Variants in TNNT1 observed in about 807,000 individuals in gnomAD.
TNNT1 encodes the protein troponin T, slow skeletal muscle.
A neutral mutation model predicts 50.6 loss-of-function variants in TNNT1; 53 were observed. That is an observed-to-expected ratio of 1.05 (90% confidence interval 0.84 to 1.32). The LOEUF is 1.32. TNNT1 is among the 40% of genes most tolerant of loss of function. The pLI is 0.00. For synonymous variants in TNNT1, 142 were observed against 138.0 expected, an observed-to-expected ratio of 1.03 and a Z score of -0.20; for missense variants, 348 against 381.7, an observed-to-expected ratio of 0.91 and a Z score of 0.74.
At chr19:55,134,672 A>T (rs895382673) in intron 11 of TNNT1, among the ~76,000 whole-genome samples, 4 of 101,704 alleles carry the variant, frequency 3.9e-5, no homozygotes, top group Admixed American at 2.3e-4. Flanking sequence ...AAGAAAGGAA[A>T]GAAAAGGAGA....
rs1407961161 is a variant in TNNT1 at position 55,141,317 on chromosome 19, G to C, written c.193-15C>G. 1 of 1,608,592 alleles carries C rather than the reference G, an allele frequency of 6.2e-7. No homozygotes were observed. The highest frequency in any genetic ancestry group is 8.5e-7 in the Non-Finnish European group (1 of 1,174,974). On this transcript the variant is annotated splice_polypyrimidine_tract_variant and intron_variant, in intron 7 of 13. Transcript: ENST00000588981. ...CGGTGGATGTCCTGCAGGACACACG[G>C]GCAGCCCGTCCTAGGAGACCCTGGA...
chr19:55,133,476 G>A (rs1166794074), intron 13 of TNNT1: 8 of 308,470 alleles, frequency 2.6e-5, no homozygotes, highest in East Asian at 8.5e-5. Flanking sequence ...TCAGGAGTTC[G>A]AGACCAGCCT....
rs1322730617 is a variant in TNNT1 at position 55,140,964 on chromosome 19, G to T, written c.310-4C>A. On this transcript the variant is annotated splice_region_variant and splice_polypyrimidine_tract_variant and intron_variant, in intron 8 of 13. Coordinates refer to ENST00000588981, the MANE Select transcript of TNNT1 (RefSeq NM_003283.6). ...CTCTCTCTGACCGGCGCCGCTCCTGGGAAACGGAGAAGCATAAGGGGGTGC... is the reference window on the plus strand; with the variant it reads ...CTCTCTCTGACCGGCGCCGCTCCTGTGAAACGGAGAAGCATAAGGGGGTGC... 6 of 1,613,530 alleles carry T rather than the reference G, an allele frequency of 3.7e-6. No individual in the cohort carries two copies. Among genetic ancestry groups the T allele is most frequent in the Non-Finnish European group, 5.1e-6 (6 of 1,179,890 alleles).
At chr19:55,133,108 T>C (rs1182986382) in intron 13 of TNNT1, 148 bp from the exon 14 acceptor site, 1 of 762,852 alleles carries the variant, frequency 1.3e-6, no homozygotes, top group Non-Finnish European at 2.2e-6. Flanking sequence ...GTCACCTCTT[T>C]TGGGTTCTAT....
rs553926696 is a variant in TNNT1 at position 55,137,156 on chromosome 19, G to A, written c.558C>T (p.Leu186=). The A allele has an allele frequency of 6.2e-7, 1 of 1,612,828 alleles. No homozygotes were observed. The highest frequency in any genetic ancestry group is 1.3e-5 in the African/African-American group (1 of 74,706). Residue 186 remains leucine, a synonymous_variant, in exon 11 of 14, where the codon CTC becomes CTT. Coordinates refer to ENST00000588981, the MANE Select transcript of TNNT1 (RefSeq NM_003283.6). ...QTGREMKVRI[L]SERKKPLDID... is the part of the protein sequence containing the mutation. ...TGTCCAGAGGCTTCTTACGCTCGGA[G>A]AGGATGCGCACCTTCATCTCCCGCC...
chr19:55,147,341 G>A (rs2085581775), intron 1 of TNNT1, 173 bp from the exon 2 acceptor site: 1 of 616,404 alleles, frequency 1.6e-6, no homozygotes, highest in Admixed American at 2.4e-5. Flanking sequence ...AGGAGGAGCT[G>A]GGGCCTGGAC....
chr19:55,148,412 C>T lies in TNNT1; in HGVS notation c.-12+749G>A, dbSNP rs151193708. Among the ~76,000 whole-genome samples, 60 of 152,156 alleles carry T rather than the reference C, an allele frequency of 3.9e-4. No homozygotes were observed. In the East Asian group the frequency reaches 0.012, roughly 29 times the overall value. ...CACCCTGACCCCTACATTCTTAGAC[C>T]TCAAAGTCTTTGAGACACCCTAGGC... On this transcript the variant is annotated intron_variant, in intron 1 of 13. Coordinates refer to ENST00000588981, the MANE Select transcript of TNNT1 (RefSeq NM_003283.6).
rs184146270 is a variant in TNNT1, at chr19:55,149,138, C to G, written c.-12+23G>C. ...CCAAGGACATGGTTTTTGAAGACCA[C>G]AGGGCTCCGCAGAGCCCCTTACCTA... is the stretch of plus-strand genomic sequence containing the variant. On this transcript the variant is annotated intron_variant, in intron 1 of 13. Coordinates refer to ENST00000588981, the MANE Select transcript of TNNT1 (RefSeq NM_003283.6). 6.6e-6 allele frequency: 3 copies of G among 456,298 alleles called. No homozygotes were observed. In the East Asian group the frequency reaches 2.1e-4, roughly 32 times the overall value. The allele number at this position is 456,298 out of a possible 1,614,324, so 28.3% of individuals were successfully genotyped here.
rs1238584410 is a variant in TNNT1 at position 55,147,917 on chromosome 19, G to A, written c.-11-749C>T. The A allele has an allele frequency of 4.4e-5, 7 of 160,516 alleles. No individual in the cohort carries two copies. The South Asian group carries it at 7.9e-4, about 18-fold the overall frequency. 9.9% of individuals were successfully genotyped at this position (160,516 alleles called of 1,614,324 possible). On this transcript the variant is annotated intron_variant, in intron 1 of 13. Coordinates refer to ENST00000588981, the MANE Select transcript of TNNT1 (RefSeq NM_003283.6). Reference sequence around the variant, plus strand: ...GCGGGCTGGGGGCCTGTACTCCTGCGTCTGAGGGAGGAGGGCTCAGGTCTG... The same window carrying A: ...GCGGGCTGGGGGCCTGTACTCCTGCATCTGAGGGAGGAGGGCTCAGGTCTG...
At chr19:55,149,051 A>G in intron 1 of TNNT1, 110 bp downstream of exon 1, 3 of 433,592 alleles carry the variant, frequency 6.9e-6, no homozygotes, top group Non-Finnish European at 1.4e-5. Flanking sequence ...TGTATGCCCC[A>G]CCTACCTCTG....
chr19:55,137,324 G>T, intron 10 of TNNT1, 112 bp from the exon 11 acceptor site: 1 of 737,732 alleles, frequency 1.4e-6, no homozygotes, highest in Middle Eastern at 3.0e-4. Flanking sequence ...GGGACCACAG[G>T]TCTGCACCCC....
chr19:55,137,031 C>T (rs1168539893), intron 11 of TNNT1, 72 bp downstream of exon 11: 14 of 980,948 alleles, frequency 1.4e-5, no homozygotes, highest in Middle Eastern at 2.3e-4. Flanking sequence ...CCACCCAGAT[C>T]TGGGTGTGAG....
intron 6 of TNNT1, chr19:55,145,321 A>AGGAGAAGGGGAAGGG: frequency 1.7e-6 from 1 of 585,778 alleles, no homozygotes; most frequent in East Asian, 2.9e-5. Flanking sequence ...GGGAAGGAGA[A>AGGAGAAGGGGAAGGG]GGAGAAGGGG....
intron 6 of TNNT1, chr19:55,145,261 A>C: frequency 4.2e-6 from 2 of 475,398 alleles, no homozygotes; most frequent in Non-Finnish European, 7.5e-6. Context: ...GGGTCACTGC[A>C]CTCTAGCCTG....
In TNNT1 at chr19:55,132,894, C is replaced by T. The variant is rs913262694; in HGVS notation, c.*21G>A. ...CAAACACTCCCAGGCTTCCCAGGTGCCACTGTCCGGGGCGGCATCCTCACT... is the reference window on the plus strand; with the variant it reads ...CAAACACTCCCAGGCTTCCCAGGTGTCACTGTCCGGGGCGGCATCCTCACT... On this transcript the variant is annotated 3_prime_UTR_variant, in exon 14 of 14. Coordinates refer to ENST00000588981, the MANE Select transcript of TNNT1 (RefSeq NM_003283.6). 9 of 1,595,534 alleles carry T rather than the reference C, an allele frequency of 5.6e-6. No individual in the cohort carries two copies. In the African/African-American group the frequency reaches 9.4e-5, roughly 17 times the overall value.
intron 3 of TNNT1, 87 bp downstream of exon 3, chr19:55,146,921 C>T (rs1312000049): frequency 2.0e-6 from 3 of 1,475,020 alleles, no homozygotes; most frequent in Admixed American, 4.5e-5. Context: ...CGCCCCTTCC[C>T]CGCCAAAGTG....
rs752992299 is a variant in TNNT1, at chr19:55,140,915, C to T, written c.355G>A (p.Glu119Lys). ...TTAGCCTGACGTTCGCGTTCCTTCT[C>T]AGTTCTGAAGCGCTGTTGCTCGGCT... The part of the protein sequence containing the change: ...ERAEQQRFRT[E>K]KERERQAKLA... Residue 119 changes from glutamate to lysine, a missense_variant, in exon 9 of 14, where the codon GAG becomes AAG. Around this residue, in one of 3 missense-constraint regions of TNNT1, gnomAD observed 253 missense variants for 291.8 expected, o/e 0.87. Coordinates refer to ENST00000588981, the MANE Select transcript of TNNT1 (RefSeq NM_003283.6). The T allele has an allele frequency of 2.4e-5, 38 of 1,613,714 alleles. No homozygotes were observed. The East Asian group carries it at 8.0e-4, about 34-fold the overall frequency.
chr19:55,149,005 T>C (rs1268399754), intron 1 of TNNT1, among the ~76,000 whole-genome samples, 156 bp downstream of exon 1: 2 of 152,042 alleles, frequency 1.3e-5, no homozygotes, highest in Non-Finnish European at 2.9e-5. Flanking sequence ...TGAGTCCCCC[T>C]AAAGTCTGAG....
At chr19:55,137,860 G>A (rs2085381534) in intron 10 of TNNT1, 101 bp downstream of exon 10, 6 of 1,448,172 alleles carry the variant, frequency 4.1e-6, no homozygotes, top group South Asian at 3.4e-5. Context: ...TCAGACCCAG[G>A]AATCCAGGCC....
Sources: allele counts gnomAD v4.1 joint callset (sites outside exome capture counted in the v4.1 genomes callset), GRCh38; gene constraint gnomAD v4.1.1; regional missense constraint gnomAD v4.1.1; transcripts MANE v1.5; gene names NCBI Gene and HGNC (gene_info 2026-07-23, HGNC 2026-07-21).